The following FSHR variants were observed in gnomAD, a reference collection of about 807,000 sequenced individuals.
FSHR encodes follicle stimulating hormone receptor.
A neutral mutation model predicts 52.1 loss-of-function variants in FSHR; 46 were observed. The ratio of observed to expected loss-of-function variants is 0.88; its 90% CI spans 0.70 to 1.13. FSHR has a LOEUF of 1.13. Among genes scored for constraint, FSHR ranks in the 50% most tolerant of loss-of-function variants. The pLI is 0.00. For missense variants in FSHR, 964 were observed against 834.6 expected (o/e 1.16, Z -1.91); for synonymous variants, 399 against 309.6 (o/e 1.29, Z -3.03).
chr2:49,024,664 C>T (rs1337078973), intron 2 of FSHR, among the ~76,000 whole-genome samples: 1 of 152,166 alleles, frequency 6.6e-6, no homozygotes, highest in Non-Finnish European at 1.5e-5. Context: ...TAAAGTCCCC[C>T]TCTGGGTCTT....
At chr2:48,979,808 TGTGTG>T (rs1675164680) in intron 8 of FSHR, among the ~76,000 whole-genome samples, 2 of 150,486 alleles carry the variant, frequency 1.3e-5, no homozygotes, top group South Asian at 2.1e-4. Context: ...ACAGTCTTTG[TGTGTG>T]TGTGTGTGTG....
At chr2:49,001,079 TAA>T (rs112237991) in intron 4 of FSHR, among the ~76,000 whole-genome samples, 2,907 of 152,182 alleles carry the variant, frequency 0.019, 80 homozygotes, top group African/African-American at 0.065. Context: ...ATTTTACTGA[TAA>T]GAGAGGCAAG....
chr2:48,988,776 C>T (rs775054560), intron 6 of FSHR, among the ~76,000 whole-genome samples: 3 of 152,094 alleles, frequency 2.0e-5, no homozygotes, highest in Non-Finnish European at 2.9e-5. Flanking sequence ...TGAATCACAC[C>T]CCAGAATCAT....
intron 2 of FSHR, among the ~76,000 whole-genome samples, chr2:49,040,711 A>G (rs1668451647): frequency 6.6e-6 from 1 of 152,150 alleles, no homozygotes. Context: ...GCCTGGCAGC[A>G]GGGAGGGTCC....
chr2:49,118,184 G>A (rs1053196877), intron 1 of FSHR, among the ~76,000 whole-genome samples: 1 of 152,120 alleles, frequency 6.6e-6, no homozygotes, highest in African/African-American at 2.4e-5. Context: ...TGAGCATTCT[G>A]CAAGAGGGGC....
At chr2:49,037,536 C>G (rs145622552) in intron 2 of FSHR, among the ~76,000 whole-genome samples, 1 of 151,502 alleles carries the variant, frequency 6.6e-6, no homozygotes, top group African/African-American at 2.4e-5. Context: ...TTTAATTGCT[C>G]AAAGAGATAC....
At chr2:49,078,062 A>C (rs755717646) in intron 1 of FSHR, among the ~76,000 whole-genome samples, 1 of 151,952 alleles carries the variant, frequency 6.6e-6, no homozygotes, top group Non-Finnish European at 1.5e-5. Context: ...GCAATGCCCC[A>C]CTCTACTGGT....
chr2:49,051,864 T>C (rs1358735291), intron 2 of FSHR, among the ~76,000 whole-genome samples: 4 of 152,180 alleles, frequency 2.6e-5, no homozygotes, highest in Non-Finnish European at 5.9e-5. Flanking sequence ...TTAAATTTTG[T>C]GTATAACATG....
At chr2:48,985,708 T>G (rs1559100518) in intron 6 of FSHR, among the ~76,000 whole-genome samples, 6 of 136,554 alleles carry the variant, frequency 4.4e-5, no homozygotes, top group African/African-American at 1.7e-4. Flanking sequence ...TTTTTTTTTT[T>G]TTTTTTTTTT....
intron 5 of FSHR, among the ~76,000 whole-genome samples, chr2:48,989,561 A>G (rs1471168852): frequency 6.6e-6 from 1 of 152,218 alleles, no homozygotes; most frequent in African/African-American, 2.4e-5. Context: ...GATTAGAGCC[A>G]CTGGCCACTG....
chr2:49,027,085 T>C (rs1212405841), intron 2 of FSHR, among the ~76,000 whole-genome samples: 1 of 152,228 alleles, frequency 6.6e-6, no homozygotes, highest in Non-Finnish European at 1.5e-5. Flanking sequence ...CTGACATCCC[T>C]ACTGGCCCAC....
chr2:49,083,218 AC>A (rs1670245425), intron 1 of FSHR, among the ~76,000 whole-genome samples: 1 of 150,556 alleles, frequency 6.6e-6, no homozygotes, highest in Non-Finnish European at 1.5e-5. Flanking sequence ...AGAATTTTCA[AC>A]CCAGAATTTC....
chr2:49,076,629 A>T (rs966927323), intron 1 of FSHR, among the ~76,000 whole-genome samples: 4 of 152,178 alleles, frequency 2.6e-5, no homozygotes, highest in African/African-American at 9.7e-5. Context: ...ACTCATTTCA[A>T]TATTAACTCA....
chr2:48,979,991 A>G (rs72875916), intron 8 of FSHR, among the ~76,000 whole-genome samples: 3,572 of 152,286 alleles, frequency 0.023, 138 homozygotes, highest in African/African-American at 0.081. Context: ...CTCTCAGGCC[A>G]GGGTTTAGAT....
chr2:49,032,184 T>A (rs1338102914), intron 2 of FSHR, among the ~76,000 whole-genome samples: 1 of 152,210 alleles, frequency 6.6e-6, no homozygotes, highest in African/African-American at 2.4e-5. Context: ...CCTTCCCTAA[T>A]CCTCCAGAAT....
At chr2:49,149,402 T>C (rs1672982030) in intron 1 of FSHR, among the ~76,000 whole-genome samples, 1 of 152,050 alleles carries the variant, frequency 6.6e-6, no homozygotes, top group South Asian at 2.1e-4. Context: ...CTAGATGTGA[T>C]ATTGAACACT....
intron 2 of FSHR, among the ~76,000 whole-genome samples, chr2:49,063,235 C>T (rs930225273): frequency 2.0e-5 from 3 of 151,896 alleles, no homozygotes; most frequent in African/African-American, 7.3e-5. Context: ...TTGGAAAAAC[C>T]CTAAATTAAA....
chr2:49,033,052 C>T (rs1668154688), intron 2 of FSHR, among the ~76,000 whole-genome samples: 1 of 152,160 alleles, frequency 6.6e-6, no homozygotes, highest in South Asian at 2.1e-4. Context: ...CTGTCACCAA[C>T]CACAAGCAAT....
chr2:48,999,016 G>T (rs1173763787), intron 4 of FSHR, among the ~76,000 whole-genome samples: 1 of 151,970 alleles, frequency 6.6e-6, no homozygotes, highest in Non-Finnish European at 1.5e-5. Context: ...CATATGCTTT[G>T]TTTGTTTGTG....
Sources: allele counts gnomAD v4.1 joint callset (sites outside exome capture counted in the v4.1 genomes callset), GRCh38; gene constraint gnomAD v4.1.1; transcripts MANE v1.5; gene names NCBI Gene and HGNC (gene_info 2026-07-23, HGNC 2026-07-21).